Variants in SCMH1 observed in about 807,000 individuals in gnomAD.
The protein encoded by SCMH1 is polycomb protein SCMH1.
A neutral mutation model predicts 70.8 loss-of-function variants in SCMH1; 37 were observed. That is an observed-to-expected ratio of 0.52 (90% CI 0.40 to 0.69). The LOEUF is 0.69. Among genes scored for constraint, SCMH1 ranks in the 30% least tolerant of loss-of-function variants. SCMH1 has a pLI of 0.00. For missense variants in SCMH1, 607 were observed against 827.3 expected (o/e 0.73, Z 3.27); for synonymous variants, 292 against 307.4 (o/e 0.95, Z 0.52).
intron 5 of SCMH1, among the ~76,000 whole-genome samples, chr1:41,144,431 C>T (rs1644371524): frequency 6.6e-6 from 1 of 152,186 alleles, no homozygotes; most frequent in South Asian, 2.1e-4. Context: ...ATGAGTGTAT[C>T]AGTACTTCAT....
At chr1:41,172,522 T>C (rs1053210707) in intron 2 of SCMH1, among the ~76,000 whole-genome samples, 2 of 152,004 alleles carry the variant, frequency 1.3e-5, no homozygotes, top group African/African-American at 2.4e-5. Context: ...AAGTCATCTA[T>C]AGATTCAATG....
intron 1 of SCMH1, among the ~76,000 whole-genome samples, chr1:41,233,468 CAA>C (rs1429980011): frequency 6.6e-6 from 1 of 152,062 alleles, no homozygotes; most frequent in African/African-American, 2.4e-5. Context: ...AGCAGAAGAT[CAA>C]AAGTCTTTCG....
At chr1:41,143,803 G>C (rs1045946881) in intron 5 of SCMH1, among the ~76,000 whole-genome samples, 1 of 152,122 alleles carries the variant, frequency 6.6e-6, no homozygotes, top group Non-Finnish European at 1.5e-5. Flanking sequence ...TATCACTGTA[G>C]ATTGCTTTGC....
intron 2 of SCMH1, among the ~76,000 whole-genome samples, chr1:41,163,187 G>A (rs1406640488): frequency 2.0e-5 from 3 of 152,056 alleles, no homozygotes; most frequent in Non-Finnish European, 4.4e-5. Context: ...TGCTTGTGGT[G>A]TGCCTGGTCC....
chr1:41,240,559 T>TA (rs1663295114), intron 1 of SCMH1, among the ~76,000 whole-genome samples: 1 of 147,288 alleles, frequency 6.8e-6, no homozygotes, highest in African/African-American at 2.5e-5. Context: ...TTTTCAGAGT[T>TA]TAAAAAAAAA....
intron 10 of SCMH1, among the ~76,000 whole-genome samples, chr1:41,060,793 G>A (rs1652355826): frequency 6.6e-6 from 1 of 152,054 alleles, no homozygotes; most frequent in African/African-American, 2.4e-5. Context: ...CTACAGGCAT[G>A]CACCACCATG....
intron 4 of SCMH1, among the ~76,000 whole-genome samples, chr1:41,153,282 C>T (rs1007999407): frequency 7.9e-5 from 12 of 152,124 alleles, no homozygotes; most frequent in Admixed American, 3.3e-4. Context: ...CCACTAGCCA[C>T]ATAACTATTG....
At chr1:41,220,280 G>A (rs894959902) in intron 1 of SCMH1, among the ~76,000 whole-genome samples, 3 of 152,208 alleles carry the variant, frequency 2.0e-5, no homozygotes, top group African/African-American at 7.2e-5. Context: ...TGGGCAGGCA[G>A]CAGTTGAAGG....
chr1:41,085,204 G>C (rs532417796), intron 8 of SCMH1, among the ~76,000 whole-genome samples: 1 of 151,874 alleles, frequency 6.6e-6, no homozygotes, highest in East Asian at 1.9e-4. Context: ...CCACGAACAA[G>C]TTGGGTCTAT....
intron 2 of SCMH1, among the ~76,000 whole-genome samples, chr1:41,180,199 T>C (rs1181773739): frequency 6.6e-6 from 1 of 152,314 alleles, no homozygotes; most frequent in African/African-American, 2.4e-5. Context: ...AAATTAGGTA[T>C]TGATGGGACA....
At chr1:41,029,796 T>C (rs1052491849) in intron 13 of SCMH1, among the ~76,000 whole-genome samples, 8 of 152,234 alleles carry the variant, frequency 5.3e-5, no homozygotes, top group Non-Finnish European at 8.8e-5. Flanking sequence ...GGTCAAATAC[T>C]GAAATAAATG....
chr1:41,042,931 A>G (rs577535430), intron 12 of SCMH1, among the ~76,000 whole-genome samples: 1 of 152,306 alleles, frequency 6.6e-6, no homozygotes, highest in East Asian at 1.9e-4. Flanking sequence ...AAGGTGGATA[A>G]CTGTTCTAGA....
chr1:41,158,817 C>T (rs1645782981), intron 4 of SCMH1, among the ~76,000 whole-genome samples: 1 of 152,028 alleles, frequency 6.6e-6, no homozygotes, highest in Non-Finnish European at 1.5e-5. Context: ...ATGAAAGCGG[C>T]AGAGTGGCAA....
At chr1:41,054,133 C>G (rs138897053) in intron 10 of SCMH1, among the ~76,000 whole-genome samples, 1 of 152,138 alleles carries the variant, frequency 6.6e-6, no homozygotes, top group South Asian at 2.1e-4. Flanking sequence ...TGTGAACCAC[C>G]GCGCCCGGCC....
chr1:41,188,695 A>G (rs1230193144), intron 1 of SCMH1, among the ~76,000 whole-genome samples: 1 of 152,180 alleles, frequency 6.6e-6, no homozygotes, highest in Non-Finnish European at 1.5e-5. Context: ...AAACAATCAC[A>G]ACAGGCCACC....
At chr1:41,034,945 G>A (rs1306492116) in intron 13 of SCMH1, among the ~76,000 whole-genome samples, 1 of 152,136 alleles carries the variant, frequency 6.6e-6, no homozygotes, top group Non-Finnish European at 1.5e-5. Flanking sequence ...AATCCTTGGA[G>A]GCAATCCAGC....
chr1:41,185,333 A>C (rs2148631226), intron 2 of SCMH1, among the ~76,000 whole-genome samples: 3 of 152,238 alleles, frequency 2.0e-5, no homozygotes, highest in Admixed American at 2.0e-4. Flanking sequence ...CTACAGGCTC[A>C]CACCACCACG....
intron 10 of SCMH1, among the ~76,000 whole-genome samples, chr1:41,052,477 C>T (rs901158925): frequency 1.3e-5 from 2 of 152,228 alleles, no homozygotes; most frequent in Non-Finnish European, 2.9e-5. Context: ...CATGGAACAC[C>T]TGTCTTCCAT....
At chr1:41,149,183 C>T (rs960096516) in intron 5 of SCMH1, among the ~76,000 whole-genome samples, 3 of 152,296 alleles carry the variant, frequency 2.0e-5, no homozygotes, top group East Asian at 3.9e-4. Context: ...TCCAATTACA[C>T]GTCTATTTGG....
Sources: gnomAD v4.1 joint callset for allele counts (sites outside exome capture counted in the v4.1 genomes callset) on GRCh38, gnomAD v4.1.1 for gene constraint, MANE v1.5 for transcripts, NCBI Gene and HGNC (gene_info 2026-07-23, HGNC 2026-07-21) for gene names.